NBAS: variants seen among roughly 807,000 people sequenced by gnomAD.
NBAS encodes the protein NAG/BC035112 fusion.
Under a neutral mutation model 302.5 loss-of-function variants are expected in NBAS, and 219 were observed. The observed-to-expected ratio is 0.72, with a 90% CI of 0.65 to 0.81. NBAS has a LOEUF of 0.81. NBAS is among the 30% of genes least tolerant of loss of function. The pLI is 0.00. For missense variants in NBAS, 2,932 were observed against 2,841.6 expected, an observed-to-expected ratio of 1.03 and a Z score of -0.72; for synonymous variants, 1,118 against 1,021.6, an observed-to-expected ratio of 1.09 and a Z score of -1.80.
At chr2:15,028,835 T>C in the NBAS span, among the ~76,000 whole-genome samples, 2 of 152,222 alleles carry the variant, frequency 1.3e-5, no homozygotes, top group Non-Finnish European at 2.9e-5. Context: ...CAGTTTTATT[T>C]TTTTAGAGCA....
chr2:14,884,447 T>G, the NBAS span, among the ~76,000 whole-genome samples: 8 of 151,992 alleles, frequency 5.3e-5, no homozygotes. Flanking sequence ...AAATCAAAAT[T>G]GCTCACCCAC....
At chr2:15,368,572 A>T (rs1446663088) in intron 31 of NBAS, among the ~76,000 whole-genome samples, 2 of 152,220 alleles carry the variant, frequency 1.3e-5, no homozygotes, top group Non-Finnish European at 2.9e-5. Flanking sequence ...TATAAAATAT[A>T]AAGTAAATAT....
At chr2:14,938,745 G>A in the NBAS span, among the ~76,000 whole-genome samples, 1 of 152,142 alleles carries the variant, frequency 6.6e-6, no homozygotes, top group Non-Finnish European at 1.5e-5. Flanking sequence ...GTGATGATCT[G>A]TATCACGTTA....
At chr2:15,481,317 T>C (rs1264169498) in intron 12 of NBAS, among the ~76,000 whole-genome samples, 1 of 152,198 alleles carries the variant, frequency 6.6e-6, no homozygotes, top group African/African-American at 2.4e-5. Context: ...GTACCTGAAG[T>C]GTGAGCCATT....
intron 25 of NBAS, 87 bp from the exon 26 acceptor site, chr2:15,402,388 T>C: frequency 8.1e-7 from 1 of 1,238,860 alleles, no homozygotes. Flanking sequence ...AACAGAATAT[T>C]AAATAGCACA....
chr2:15,210,539 C>T (rs184549329), intron 48 of NBAS, among the ~76,000 whole-genome samples: 2 of 152,142 alleles, frequency 1.3e-5, no homozygotes, highest in African/African-American at 4.8e-5. Context: ...TAAATTAGTA[C>T]AAAAACTATG....
At chr2:15,213,633 C>G (rs1043398284) in intron 48 of NBAS, among the ~76,000 whole-genome samples, 3 of 152,166 alleles carry the variant, frequency 2.0e-5, no homozygotes, top group Admixed American at 6.5e-5. Context: ...CATGTATCAC[C>G]TTAAATTGGT....
intron 14 of NBAS, among the ~76,000 whole-genome samples, chr2:15,474,869 G>A (rs943147610): frequency 6.6e-6 from 1 of 152,064 alleles, no homozygotes; most frequent in Admixed American, 6.6e-5. Flanking sequence ...CCTAAAGCCT[G>A]TTTTAATAAC....
chr2:15,008,507 C>T, the NBAS span, among the ~76,000 whole-genome samples: 36 of 152,212 alleles, frequency 2.4e-4, no homozygotes, highest in African/African-American at 8.2e-4. Context: ...CCAGAACCTA[C>T]AGTTTCCTTT....
At chr2:15,448,360 A>G (rs1470114722) in intron 21 of NBAS, among the ~76,000 whole-genome samples, 1 of 152,172 alleles carries the variant, frequency 6.6e-6, no homozygotes, top group Non-Finnish European at 1.5e-5. Context: ...CACCACTTAT[A>G]TGCTAGCAAC....
At chr2:15,106,123 G>A in the NBAS span, among the ~76,000 whole-genome samples, 1 of 152,106 alleles carries the variant, frequency 6.6e-6, no homozygotes, top group Non-Finnish European at 1.5e-5. Flanking sequence ...AACACTGCAA[G>A]CTCTAAATCA....
At chr2:15,069,957 A>G in the NBAS span, among the ~76,000 whole-genome samples, 1 of 151,084 alleles carries the variant, frequency 6.6e-6, no homozygotes, top group Non-Finnish European at 1.5e-5. Context: ...TCAGTGAGGC[A>G]AAGTACTCCT....
chr2:15,559,357 A>T (rs1269089936), intron 1 of NBAS, among the ~76,000 whole-genome samples: 1 of 152,206 alleles, frequency 6.6e-6, no homozygotes, highest in African/African-American at 2.4e-5. Context: ...ATCTATACAG[A>T]CAATGCTACT....
the NBAS span, among the ~76,000 whole-genome samples, chr2:14,793,315 ATCTATTATAAAT>A: frequency 2.0e-4 from 31 of 152,200 alleles, no homozygotes; most frequent in Admixed American, 2.0e-3. Flanking sequence ...TAATTCAACA[ATCTATTATAAAT>A]TCTTTTTTAA....
the NBAS span, among the ~76,000 whole-genome samples, chr2:14,913,307 C>G: frequency 2.0e-5 from 3 of 152,174 alleles, no homozygotes; most frequent in East Asian, 1.9e-4. Context: ...GAGCTTGATG[C>G]TCCTAACCAC....
At chr2:15,140,526 A>T in the NBAS span, among the ~76,000 whole-genome samples, 1 of 152,254 alleles carries the variant, frequency 6.6e-6, no homozygotes, top group Admixed American at 6.5e-5. Flanking sequence ...AAATGAGATT[A>T]ATATCTGCTT....
chr2:15,212,557 A>T (rs1666461987), intron 48 of NBAS, among the ~76,000 whole-genome samples: 1 of 152,034 alleles, frequency 6.6e-6, no homozygotes, highest in African/African-American at 2.4e-5. Context: ...TACTGTGCAG[A>T]CTTTTATCAC....
At chr2:15,278,819 A>G (rs750867686) in intron 42 of NBAS, among the ~76,000 whole-genome samples, 2 of 152,244 alleles carry the variant, frequency 1.3e-5, no homozygotes, top group Non-Finnish European at 2.9e-5. Context: ...CAGAAGATGT[A>G]GAAATCAATG....
the NBAS span, among the ~76,000 whole-genome samples, chr2:15,106,633 C>G: frequency 6.6e-6 from 1 of 152,096 alleles, no homozygotes; most frequent in Non-Finnish European, 1.5e-5. Flanking sequence ...AATCTCTTCT[C>G]CCATGGCTTG....
Sources: gnomAD v4.1 joint callset for allele counts (sites outside exome capture counted in the v4.1 genomes callset) on GRCh38, gnomAD v4.1.1 for gene constraint, MANE v1.5 for transcripts, NCBI Gene and HGNC (gene_info 2026-07-23, HGNC 2026-07-21) for gene names.